NOSTRIN: variants seen among roughly 807,000 people sequenced by gnomAD.
NOSTRIN encodes the protein BM247 homolog.
NOSTRIN carries 63 observed loss-of-function variants against 59.0 expected under a neutral mutation model. That is an observed-to-expected ratio of 1.07 (90% CI 0.87 to 1.32). The LOEUF (loss-of-function observed/expected upper bound fraction) is 1.32. Among genes scored for constraint, NOSTRIN ranks in the 40% most tolerant of loss-of-function variants. NOSTRIN has a pLI of 0.00. For synonymous variants in NOSTRIN, 200 were observed against 165.4 expected (o/e 1.21, Z -1.61); for missense variants, 512 against 473.1 (o/e 1.08, Z -0.76).
intron 2 of NOSTRIN, among the ~76,000 whole-genome samples, chr2:168,788,890 A>ATAG (rs1559095604): frequency 1.7e-5 from 2 of 120,344 alleles, no homozygotes; most frequent in Non-Finnish European, 3.5e-5. Flanking sequence ...CACACAGATA[A>ATAG]AAAGATAGAT....
chr2:168,834,511 A>ACACACACG lies in NOSTRIN; in HGVS notation c.504+193_504+194insGCACACAC, dbSNP rs772551514. Among the ~76,000 whole-genome samples, 891 of 129,480 alleles carry ACACACACG rather than the reference A, an allele frequency of 6.9e-3. 17 individuals are homozygous for ACACACACG. Among genetic ancestry groups the ACACACACG allele is most frequent in the African/African-American group, 0.024 (846 of 35,340 alleles). 84.9% of individuals were successfully genotyped at this position (129,480 alleles called of 152,430 possible). A position where few individuals can be genotyped will look rare whatever the true frequency, so the allele number is the denominator to read the frequency against. On this transcript the variant is annotated intron_variant, in intron 7 of 15. Coordinates refer to ENST00000317647, the MANE Select transcript of NOSTRIN (RefSeq NM_001039724.4). ...GGCGTGCGCGCGCGCGCGCGCGCAC[A>ACACACACG]CACACACACACACACACACACACAC...
At position 168,834,534 on chromosome 2, in the gene NOSTRIN, CACACACA is replaced by C. The variant is rs1687604283; in HGVS notation, c.504+210_504+216del. ...ACACACACACACACACACACACACACACACACACCACATACATTTTAAACTTTATTTT... is the reference window on the plus strand; with the variant it reads ...ACACACACACACACACACACACACACCCACATACATTTTAAACTTTATTTT... On this transcript the variant is annotated intron_variant, in intron 7 of 15. Coordinates refer to ENST00000317647, the MANE Select transcript of NOSTRIN (RefSeq NM_001039724.4). Among the ~76,000 whole-genome samples the C allele has an allele frequency of 4.0e-5, 6 of 149,714 alleles. 1 individual carries two copies. The South Asian group carries it at 8.6e-4, about 21-fold the overall frequency.
chr2:168,809,316 G>A, intron 1 of NOSTRIN, among the ~76,000 whole-genome samples: 1 of 152,134 alleles, frequency 6.6e-6, no homozygotes, highest in South Asian at 2.1e-4. Flanking sequence ...AGAAAAGAGG[G>A]CAAACAAGCC....
intron 2 of NOSTRIN, among the ~76,000 whole-genome samples, chr2:168,818,835 T>G (rs986521093): frequency 6.4e-5 from 5 of 77,536 alleles, no homozygotes; most frequent in Non-Finnish European, 1.1e-4. Context: ...TTTAGCATAT[T>G]AAAAAATTTT....
chr2:168,791,520 C>T (rs1328658137), intron 2 of NOSTRIN, among the ~76,000 whole-genome samples: 2 of 152,162 alleles, frequency 1.3e-5, no homozygotes, highest in African/African-American at 2.4e-5. Context: ...AATGGCATGG[C>T]TGGGTCAAAT....
intron 2 of NOSTRIN, chr2:168,818,242 C>A: frequency 4.6e-6 from 2 of 437,076 alleles, no homozygotes; most frequent in South Asian, 1.7e-5. Flanking sequence ...CAGCCTCAGA[C>A]TCCTGTGCTC....
intron 6 of NOSTRIN, among the ~76,000 whole-genome samples, chr2:168,833,705 G>T (rs78659627): frequency 6.6e-6 from 1 of 152,184 alleles, no homozygotes; most frequent in Non-Finnish European, 1.5e-5. Context: ...TCCAGCAAGT[G>T]CAGGGCATTT....
At chr2:168,863,702 A>G in intron 15 of NOSTRIN, 1 of 962,140 alleles carries the variant, frequency 1.0e-6, no homozygotes, top group African/African-American at 1.8e-5. Flanking sequence ...CTGTGAAATC[A>G]GGGATAATGC....
chr2:168,812,522 A>G (rs538421251), intron 2 of NOSTRIN, among the ~76,000 whole-genome samples: 1 of 152,306 alleles, frequency 6.6e-6, no homozygotes, highest in South Asian at 2.1e-4. Context: ...ACTTATTAAT[A>G]CATGCTATAC....
chr2:168,808,177 G>C (rs1169998153), intron 1 of NOSTRIN, among the ~76,000 whole-genome samples: 1 of 152,138 alleles, frequency 6.6e-6, no homozygotes, highest in African/African-American at 2.4e-5. Context: ...TTCTCAACTG[G>C]TTCTACTCAT....
chr2:168,799,843 T>C (rs1287055265), upstream of NOSTRIN, among the ~76,000 whole-genome samples: 2 of 152,214 alleles, frequency 1.3e-5, no homozygotes, highest in Admixed American at 1.3e-4. Flanking sequence ...GCAGCCATTG[T>C]AGTAAATTGA....
intron 11 of NOSTRIN, chr2:168,856,062 C>T: frequency 4.3e-6 from 1 of 231,212 alleles, no homozygotes; most frequent in Non-Finnish European, 8.8e-6. Flanking sequence ...GATGTGAATA[C>T]CATAACGAGG....
chr2:168,834,364 G>T (rs747445138), intron 7 of NOSTRIN, 39 bp downstream of exon 7: 4 of 862,044 alleles, frequency 4.6e-6, no homozygotes, highest in Non-Finnish European at 8.1e-6. Context: ...GTGCCATAGA[G>T]AGGGATGGAC....
intron 1 of NOSTRIN, among the ~76,000 whole-genome samples, chr2:168,808,940 CAA>C (rs1686003041): frequency 6.6e-6 from 1 of 152,090 alleles, no homozygotes; most frequent in Non-Finnish European, 1.5e-5. Context: ...AAAGCAGAAG[CAA>C]AGTGTTAAAA....
chr2:168,821,112 A>G (rs567422309), intron 2 of NOSTRIN, among the ~76,000 whole-genome samples: 109 of 152,356 alleles, frequency 7.2e-4, no homozygotes, highest in Admixed American at 1.2e-3. Context: ...TTTTGTGCCT[A>G]GCACTGAGCT....
intron 2 of NOSTRIN, among the ~76,000 whole-genome samples, chr2:168,792,264 A>C (rs1442051378): frequency 6.6e-6 from 1 of 152,214 alleles, no homozygotes; most frequent in African/African-American, 2.4e-5. Flanking sequence ...ATGACTTTCA[A>C]GAGTCATAAA....
At chr2:168,787,514 T>TA in intron 1 of NOSTRIN, among the ~76,000 whole-genome samples, 1 of 152,336 alleles carries the variant, frequency 6.6e-6, no homozygotes, top group South Asian at 2.1e-4. Context: ...GAAGAAAAGG[T>TA]ACAACCATTT....
chr2:168,831,388 T>C, intron 5 of NOSTRIN, 84 bp from the exon 6 acceptor site: 2 of 762,190 alleles, frequency 2.6e-6, no homozygotes, highest in Non-Finnish European at 4.8e-6. Context: ...AATCGATACA[T>C]TTTAGGGGCA....
upstream of NOSTRIN, among the ~76,000 whole-genome samples, chr2:168,793,732 G>A (rs1685414710): frequency 1.3e-5 from 2 of 152,228 alleles, no homozygotes; most frequent in Admixed American, 1.3e-4. Context: ...TGGCACTGGA[G>A]TCATCCCATT....
Sources: gnomAD v4.1 joint callset for allele counts (sites outside exome capture counted in the v4.1 genomes callset) on GRCh38, gnomAD v4.1.1 for gene constraint, MANE v1.5 for transcripts, NCBI Gene and HGNC (gene_info 2026-07-23, HGNC 2026-07-21) for gene names.